The following CCDC178 variants were observed in gnomAD, a reference collection of about 807,000 sequenced individuals.
The protein encoded by CCDC178 is coiled-coil domain containing 178, also known as coiled-coil domain-containing protein 178.
CCDC178 carries 126 observed loss-of-function variants against 117.4 expected under a neutral mutation model. The ratio of observed to expected loss-of-function variants is 1.07; its 90% CI spans 0.93 to 1.24. CCDC178 has a LOEUF of 1.24. Among genes scored for constraint, CCDC178 ranks in the 50% most tolerant of loss-of-function variants. The pLI is 0.00. For missense variants in CCDC178, 1,030 were observed against 986.9 expected, an observed-to-expected ratio of 1.04 and a Z score of -0.59; for synonymous variants, 283 against 313.4, an observed-to-expected ratio of 0.90 and a Z score of 1.02.
chr18:33,414,376 A>G (rs2063903024), intron 2 of CCDC178, among the ~76,000 whole-genome samples: 1 of 152,170 alleles, frequency 6.6e-6, no homozygotes, highest in South Asian at 2.1e-4. Flanking sequence ...AACAGAACAG[A>G]GCCCTCAGAA....
At chr18:33,437,563 A>T (rs1459251049) in intron 2 of CCDC178, 1 of 152,200 alleles carries the variant, frequency 6.6e-6, no homozygotes, top group Non-Finnish European at 1.5e-5. Context: ...ACACACATTC[A>T]GTAAGTACCC....
chr18:33,414,242 C>T (rs1474953713), intron 2 of CCDC178, among the ~76,000 whole-genome samples: 2 of 152,010 alleles, frequency 1.3e-5, no homozygotes, highest in Non-Finnish European at 2.9e-5. Context: ...CTGAAAACTG[C>T]CATAACTGCA....
rs550329637 is a variant in CCDC178 at position 33,038,976 on chromosome 18, T to C, written c.2388+53785A>G. Among the ~76,000 whole-genome samples the C allele has an allele frequency of 8.5e-5, 13 of 152,152 alleles. No homozygotes were observed. In the South Asian group the frequency reaches 2.7e-3, roughly 32 times the overall value. The stretch of plus-strand genomic sequence containing the variant: ...ATCAAAACAACACACAACATATGTA[T>C]ATGGCCAAAAGCTCATATTTTAAAC... On this transcript the variant is annotated intron_variant, in intron 21 of 22. Transcript: ENST00000383096.
At chr18:33,435,420 T>A (rs952083925) in intron 2 of CCDC178, among the ~76,000 whole-genome samples, 2 of 152,116 alleles carry the variant, frequency 1.3e-5, no homozygotes, top group African/African-American at 2.4e-5. Context: ...TTCCCATGCA[T>A]ATTTTCTAAA....
At chr18:32,950,601 A>G (rs1236222209) in intron 22 of CCDC178, among the ~76,000 whole-genome samples, 1 of 152,236 alleles carries the variant, frequency 6.6e-6, no homozygotes, top group East Asian at 1.9e-4. Flanking sequence ...CAGTTACCCA[A>G]GAGTTTCCAA....
Position 33,208,752 on chromosome 18 carries a change from C to A in CCDC178, c.2238+3144G>T, listed in dbSNP as rs2059074589. Reference sequence around the variant, plus strand: ...AGTGTATTAAGCTAAAACTTTTCCACATGAAAGTGTCAAAAATAATTTTAT... The same window carrying A: ...AGTGTATTAAGCTAAAACTTTTCCAAATGAAAGTGTCAAAAATAATTTTAT... On this transcript the variant is annotated intron_variant, in intron 20 of 22. Coordinates refer to ENST00000383096, the MANE Select transcript of CCDC178 (RefSeq NM_001105528.4). Among the ~76,000 whole-genome samples the A allele has an allele frequency of 2.0e-5, 3 of 152,108 alleles. 1 individual carries two copies. Among genetic ancestry groups the A allele is most frequent in the Middle Eastern group, 3.4e-3 (1 of 294 alleles).
At chr18:33,327,278 C>A (rs2062597617) in intron 10 of CCDC178, among the ~76,000 whole-genome samples, 1 of 152,070 alleles carries the variant, frequency 6.6e-6, no homozygotes, top group Non-Finnish European at 1.5e-5. Flanking sequence ...TGTATCAGTA[C>A]CTCATTTCTT....
chr18:33,023,648 C>T (rs1270732285), intron 21 of CCDC178, among the ~76,000 whole-genome samples: 1 of 152,076 alleles, frequency 6.6e-6, no homozygotes, highest in East Asian at 1.9e-4. Flanking sequence ...GCAATCTTAG[C>T]TTCCCAAACA....
At chr18:32,949,317 T>G (rs945226830) in intron 22 of CCDC178, among the ~76,000 whole-genome samples, 20 of 152,100 alleles carry the variant, frequency 1.3e-4, no homozygotes, top group African/African-American at 4.8e-4. Context: ...TAACCATGAT[T>G]TTTTAAATAT....
chr18:33,405,094 T>C (rs757433719), intron 3 of CCDC178, among the ~76,000 whole-genome samples: 4 of 151,994 alleles, frequency 2.6e-5, no homozygotes, highest in Non-Finnish European at 5.9e-5. Context: ...GAAAGGTAAA[T>C]TTTATGCTAT....
intron 21 of CCDC178, among the ~76,000 whole-genome samples, chr18:33,001,081 A>G (rs2055621075): frequency 1.3e-5 from 2 of 152,232 alleles, no homozygotes; most frequent in Admixed American, 6.5e-5. Context: ...TAAATAAATT[A>G]AAGTGGAATT....
At chr18:33,000,604 A>T (rs1458461202) in intron 21 of CCDC178, among the ~76,000 whole-genome samples, 2 of 152,236 alleles carry the variant, frequency 1.3e-5, no homozygotes, top group East Asian at 3.9e-4. Context: ...AACAAATAGC[A>T]TACAATGGAG....
intron 20 of CCDC178, among the ~76,000 whole-genome samples, chr18:33,190,860 C>T (rs1196600231): frequency 1.3e-5 from 2 of 152,024 alleles, no homozygotes; most frequent in African/African-American, 4.8e-5. Flanking sequence ...ACTTATTCTT[C>T]GTTATTTCTC....
intron 2 of CCDC178, among the ~76,000 whole-genome samples, chr18:33,422,533 G>A (rs541080602): frequency 3.8e-4 from 58 of 152,176 alleles, no homozygotes; most frequent in East Asian, 1.4e-3. Context: ...AAATCTGTAC[G>A]GTTCAAAATG....
At position 33,389,548 on chromosome 18, in the gene CCDC178, T is replaced by C; in HGVS notation, c.200A>G (p.Asn67Ser). Residue 67 changes from asparagine (N) to serine (S), a missense_variant, in exon 5 of 23, where the codon AAT becomes AGT. Physicochemically the swap from Asn to Ser is conservative, Grantham distance 46. Transcript: ENST00000383096. ...SEGFHESKMT[N>S]TEGVNKGIYF... ...TTACATTCAGTCCTCACCTTCAGTA[T>C]TTGTCATTTTACTTTCATGAAAACC... 6.7e-7 allele frequency: 1 copy of C among 1,500,126 alleles called. No homozygotes were observed. Among genetic ancestry groups the C allele is most frequent in the Non-Finnish European group, 8.9e-7 (1 of 1,118,934 alleles). The allele number at this position is 1,500,126 out of a possible 1,614,324, so 92.9% of individuals were successfully genotyped here. A position where few individuals can be genotyped will look rare whatever the true frequency, so the allele number is the denominator to read the frequency against.
At chr18:33,254,314 A>G (rs2059653594) in intron 14 of CCDC178, among the ~76,000 whole-genome samples, 1 of 150,826 alleles carries the variant, frequency 6.6e-6, no homozygotes, top group South Asian at 2.1e-4. Flanking sequence ...ACATATAATG[A>G]AGGCAATTAA....
At chr18:33,236,442 G>A (rs376743587) in intron 15 of CCDC178, among the ~76,000 whole-genome samples, 6 of 152,212 alleles carry the variant, frequency 3.9e-5, no homozygotes, top group Admixed American at 6.5e-5. Flanking sequence ...TTTTAATGCC[G>A]TATATATTCA....
chr18:33,046,081 TTATAA>T (rs1403433460), intron 21 of CCDC178, among the ~76,000 whole-genome samples: 2 of 152,030 alleles, frequency 1.3e-5, no homozygotes, highest in African/African-American at 4.8e-5. Flanking sequence ...ATAAAAAGTC[TTATAA>T]TATTTAGTAA....
chr18:32,971,956 C>G (rs556758830), intron 22 of CCDC178, among the ~76,000 whole-genome samples: 76 of 151,882 alleles, frequency 5.0e-4, no homozygotes, highest in African/African-American at 1.8e-3. Context: ...ACTTTTTTTC[C>G]CATTTTATAG....
Sources: allele counts gnomAD v4.1 joint callset (sites outside exome capture counted in the v4.1 genomes callset), GRCh38; gene constraint gnomAD v4.1.1; transcripts MANE v1.5; gene names NCBI Gene and HGNC (gene_info 2026-07-23, HGNC 2026-07-21).